Variants in SSUH2 observed in about 807,000 individuals in gnomAD.
SSUH2 encodes protein SSUH2 homolog.
Under a neutral mutation model 55.3 loss-of-function variants are expected in SSUH2, and 47 were observed. The observed-to-expected ratio is 0.85, with a 90% CI of 0.67 to 1.08. The LOEUF is 1.08. SSUH2 is among the 50% of genes least tolerant of loss of function. SSUH2 has a pLI of 0.00. For synonymous variants in SSUH2, 212 were observed against 191.5 expected (o/e 1.11, Z -0.89); for missense variants, 535 against 490.7 (o/e 1.09, Z -0.85).
chr3:8,656,991 T>C (rs750881745), intron 7 of SSUH2, among the ~76,000 whole-genome samples: 1 of 152,128 alleles, frequency 6.6e-6, no homozygotes, highest in Non-Finnish European at 1.5e-5. Flanking sequence ...AGTGATTCTC[T>C]TGCCTCAGCC....
At chr3:8,634,061 G>T in intron 3 of SSUH2, 1 of 1,046,960 alleles carries the variant, frequency 9.6e-7, no homozygotes, top group Non-Finnish European at 1.4e-6. Context: ...ATAGAATCCT[G>T]CAACTGAAGA....
intron 1 of SSUH2, among the ~76,000 whole-genome samples, chr3:8,681,049 T>C (rs73812751): frequency 0.019 from 2,806 of 147,034 alleles, 93 homozygotes; most frequent in African/African-American, 0.059. Context: ...AGCCACCCCC[T>C]CTTCCCCCGC....
intron 1 of SSUH2, 104 bp downstream of exon 1, chr3:8,644,627 G>T: frequency 9.9e-7 from 1 of 1,011,678 alleles, no homozygotes; most frequent in Non-Finnish European, 1.5e-6. Context: ...AAAGACTATG[G>T]ATACATAACT....
At chr3:8,620,046 G>A in intron 11 of SSUH2, 32 bp from the exon 12 acceptor site, 1 of 1,611,216 alleles carries the variant, frequency 6.2e-7, no homozygotes, top group Non-Finnish European at 8.5e-7. Context: ...GAAAATGTCA[G>A]TGTTCTGTTC....
intron 3 of SSUH2, among the ~76,000 whole-genome samples, chr3:8,675,593 G>A (rs571062380): frequency 5.2e-5 from 2 of 38,174 alleles, no homozygotes; most frequent in Non-Finnish European, 8.1e-5. Flanking sequence ...CGCAGCCCAG[G>A]ATCAGAAAGA....
intron 1 of SSUH2, among the ~76,000 whole-genome samples, chr3:8,680,639 T>C (rs1374635141): frequency 6.6e-6 from 1 of 152,040 alleles, no homozygotes; most frequent in Non-Finnish European, 1.5e-5. Context: ...TCTTCTTCCC[T>C]CCAGGATCGT....
chr3:8,630,750 G>A, intron 6 of SSUH2, 55 bp downstream of exon 6: 1 of 1,328,088 alleles, frequency 7.5e-7, no homozygotes, highest in Non-Finnish European at 9.7e-7. Context: ...GCAGTGCCTG[G>A]AAAGCCTCTC....
chr3:8,661,246 A>G (rs1200117399), intron 6 of SSUH2, among the ~76,000 whole-genome samples: 1 of 152,248 alleles, frequency 6.6e-6, no homozygotes, highest in Non-Finnish European at 1.5e-5. Flanking sequence ...CCCTCTGCCT[A>G]GAACTCCGTT....
chr3:8,661,760 T>C (rs930435870), intron 6 of SSUH2, among the ~76,000 whole-genome samples: 4 of 152,210 alleles, frequency 2.6e-5, no homozygotes, highest in Non-Finnish European at 4.4e-5. Context: ...TTGGGGAACC[T>C]GTTGTAAGTA....
In SSUH2 at chr3:8,678,830, A is replaced by G. The variant is rs1184982196; in HGVS notation, c.-901+875T>C. ...GGGAGAGGAGGCGGCACTCCCCACG[A>G]GGCGGGGACTGAGAACCAATCCCTC... On this transcript the variant is annotated intron_variant, in intron 2 of 18. Transcript: ENST00000317371. 1.9e-5 allele frequency among the ~76,000 whole-genome samples: 2 copies of G among 106,188 alleles called. 1 individual carries two copies. The allele number at this position is 106,188 out of a possible 152,430, so 69.7% of individuals were successfully genotyped here. A position where few individuals can be genotyped will look rare whatever the true frequency, so the allele number is the denominator to read the frequency against.
intron 7 of SSUH2, among the ~76,000 whole-genome samples, chr3:8,658,557 T>C (rs945057226): frequency 2.6e-5 from 4 of 152,282 alleles, no homozygotes; most frequent in Admixed American, 6.5e-5. Context: ...AAGGTAAAAA[T>C]AGTTTTGCTT....
chr3:8,634,128 G>C (rs12635175), intron 3 of SSUH2: 51,033 of 702,784 alleles, frequency 0.073, 4,998 homozygotes, highest in East Asian at 0.31. Context: ...CAGAGGTCCA[G>C]AGAGGATGTC....
exon 1 of SSUH2, chr3:8,681,891 C>T (rs562619909): frequency 4.5e-4 from 72 of 160,946 alleles, no homozygotes; most frequent in African/African-American, 1.5e-3. Flanking sequence ...TAGGACCCAC[C>T]TGGAGGACTG....
intron 1 of SSUH2, among the ~76,000 whole-genome samples, chr3:8,637,436 T>G (rs1219447723): frequency 6.6e-6 from 1 of 152,202 alleles, no homozygotes; most frequent in African/African-American, 2.4e-5. Context: ...ATGAAACACC[T>G]TCCCACACAT....
intron 7 of SSUH2, among the ~76,000 whole-genome samples, chr3:8,655,736 TC>T (rs1298704404): frequency 1.3e-5 from 2 of 152,210 alleles, no homozygotes; most frequent in Non-Finnish European, 2.9e-5. Context: ...AAAGCACCAT[TC>T]CTTTGTTCAG....
At chr3:8,627,595 C>G in intron 8 of SSUH2, 103 bp downstream of exon 8, 4 of 929,054 alleles carry the variant, frequency 4.3e-6, no homozygotes, top group Non-Finnish European at 6.3e-6. Context: ...GGGGACACAG[C>G]AGTGACGAGA....
Position 8,623,663 on chromosome 3 carries a change from GA to G in SSUH2, c.874-8del. ...AGTCCACGATGGGGTACACCTGGGG[GA>G]AAGAGAGAGAGACACAGACCACCTG... On this transcript the variant is annotated splice_polypyrimidine_tract_variant and splice_region_variant and intron_variant, in intron 10 of 11. Transcript: ENST00000544814. 1 of 1,455,692 alleles carries G rather than the reference GA, an allele frequency of 6.9e-7. No homozygotes were observed. The highest frequency in any genetic ancestry group is 1.7e-4 in the Middle Eastern group (1 of 5,746). The allele number at this position is 1,455,692 out of a possible 1,614,324, so 90.2% of individuals were successfully genotyped here. A position where few individuals can be genotyped will look rare whatever the true frequency, so the allele number is the denominator to read the frequency against.
At chr3:8,626,537 G>GCCCCCCCCCCCC (rs58662232) in intron 8 of SSUH2, among the ~76,000 whole-genome samples, 1 of 107,652 alleles carries the variant, frequency 9.3e-6, no homozygotes, top group African/African-American at 3.6e-5. Flanking sequence ...TCTAGGGCCT[G>GCCCCCCCCCCCC]CCCCCCCCCC....
chr3:8,666,185 G>A lies in SSUH2; in HGVS notation c.-454-2383C>T, dbSNP rs912582207. Among the ~76,000 whole-genome samples, 6 of 152,128 alleles carry A rather than the reference G, an allele frequency of 3.9e-5. No individual in the cohort carries two copies. The East Asian group carries it at 1.2e-3, about 29-fold the overall frequency. ...TTTTGCAGACATATTAGAAGAAACT[G>A]CTTTTTACTTTTTTTCTCCTTAAGA... On this transcript the variant is annotated intron_variant, in intron 5 of 18. Coordinates refer to the SSUH2 transcript ENST00000317371.
Sources: gnomAD v4.1 joint callset for allele counts (sites outside exome capture counted in the v4.1 genomes callset) on GRCh38, gnomAD v4.1.1 for gene constraint, MANE v1.5 for transcripts, NCBI Gene and HGNC (gene_info 2026-07-23, HGNC 2026-07-21) for gene names.